Variants in KLHL29 observed in about 807,000 individuals in gnomAD.
The protein encoded by KLHL29 is kelch-like protein 29.
In KLHL29, 21 loss-of-function variants were observed where a neutral mutation model predicts 80.4. The observed-to-expected ratio is 0.26, with a 90% CI of 0.19 to 0.38. The LOEUF is 0.38. Among genes scored for constraint, KLHL29 ranks in the 10% least tolerant of loss-of-function variants. KLHL29 has a pLI of 1.00. For missense variants in KLHL29, 867 were observed against 1,223.9 expected, an observed-to-expected ratio of 0.71 and a Z score of 4.35; for synonymous variants, 511 against 526.8, an observed-to-expected ratio of 0.97 and a Z score of 0.41.
Position 23,443,876 on chromosome 2 carries a change from A to G in KLHL29, c.-153-31684A>G, listed in dbSNP as rs1663601780. ...CTGTTCGGGTGGTACTTTGGCAAGG[A>G]GCAGATATGCTGTTTCCCAAGAACT... On this transcript the variant is annotated intron_variant, in intron 1 of 13. Coordinates refer to ENST00000486442, the MANE Select transcript of KLHL29 (RefSeq NM_052920.2). Among the ~76,000 whole-genome samples the G allele has an allele frequency of 4.6e-5, 7 of 152,322 alleles. 1 individual carries two copies. In the South Asian group the frequency reaches 1.4e-3, roughly 32 times the overall value.
At chr2:23,490,915 C>T (rs1333993760) in intron 2 of KLHL29, among the ~76,000 whole-genome samples, 1 of 152,056 alleles carries the variant, frequency 6.6e-6, no homozygotes, top group African/African-American at 2.4e-5. Context: ...AACCCTAGCC[C>T]TCTTTCCTTC....
chr2:23,670,772 C>G (rs947461624), intron 5 of KLHL29, among the ~76,000 whole-genome samples: 3 of 151,934 alleles, frequency 2.0e-5, no homozygotes, highest in Non-Finnish European at 2.9e-5. Context: ...ACATGTTGCC[C>G]TAAACTGACC....
intron 5 of KLHL29, 110 bp downstream of exon 5, chr2:23,642,960 C>T: frequency 7.9e-7 from 1 of 1,271,140 alleles, no homozygotes; most frequent in Non-Finnish European, 1.1e-6. Flanking sequence ...CCTTCACTGG[C>T]CTCCCCAACC....
At chr2:23,454,824 C>A (rs1315634740) in intron 1 of KLHL29, among the ~76,000 whole-genome samples, 3 of 151,698 alleles carry the variant, frequency 2.0e-5, no homozygotes, top group East Asian at 3.9e-4. Flanking sequence ...AACAAATATT[C>A]CTCGGTGCCT....
chr2:23,412,407 G>A (rs1252802064), intron 1 of KLHL29, among the ~76,000 whole-genome samples: 1 of 152,212 alleles, frequency 6.6e-6, no homozygotes, highest in East Asian at 1.9e-4. Flanking sequence ...AGTGGGCACT[G>A]GGGGACAGAG....
At position 23,520,910 on chromosome 2, in the gene KLHL29, G is replaced by A. The variant is rs115494663; in HGVS notation, c.-45-41242G>A. ...AGAAATGTTACATTATCATAAACCC[G>A]AGTTCAGGATGCATAGTTTCCACAA... On this transcript the variant is annotated intron_variant, in intron 2 of 13. Coordinates refer to ENST00000486442, the MANE Select transcript of KLHL29 (RefSeq NM_052920.2). Among the ~76,000 whole-genome samples the A allele has an allele frequency of 3.9e-3, 596 of 151,890 alleles. 7 individuals are homozygous for A. Among genetic ancestry groups the A allele is most frequent in the African/African-American group, 0.014 (576 of 41,344 alleles).
At chr2:23,688,355 G>A (rs1206742458) in intron 6 of KLHL29, among the ~76,000 whole-genome samples, 1 of 152,156 alleles carries the variant, frequency 6.6e-6, no homozygotes, top group Non-Finnish European at 1.5e-5. Flanking sequence ...ACCCACCACT[G>A]CCCATGGATT....
chr2:23,469,131 G>A (rs1324251837), intron 1 of KLHL29, among the ~76,000 whole-genome samples: 2 of 152,232 alleles, frequency 1.3e-5, no homozygotes, highest in Admixed American at 1.3e-4. Flanking sequence ...GAGTGTCAGG[G>A]AGAGTCGAGG....
At chr2:23,703,120 T>G in intron 11 of KLHL29, 66 bp from the exon 12 acceptor site, 1 of 1,222,736 alleles carries the variant, frequency 8.2e-7, no homozygotes, top group Non-Finnish European at 1.1e-6. Flanking sequence ...TTGCTGCCCT[T>G]GCTTGTGACC....
intron 1 of KLHL29, among the ~76,000 whole-genome samples, chr2:23,438,957 G>A (rs1663428472): frequency 1.4e-5 from 2 of 146,400 alleles, no homozygotes; most frequent in East Asian, 2.0e-4. Flanking sequence ...TTTTTGGTAG[G>A]TAAGCTATTG....
At chr2:23,409,831 G>T (rs1666820417) in intron 1 of KLHL29, among the ~76,000 whole-genome samples, 1 of 152,234 alleles carries the variant, frequency 6.6e-6, no homozygotes, top group East Asian at 1.9e-4. Flanking sequence ...GATGGTCAGT[G>T]CCATTACAGG....
At chr2:23,627,160 C>T (rs1027368817) in intron 3 of KLHL29, among the ~76,000 whole-genome samples, 1 of 152,206 alleles carries the variant, frequency 6.6e-6, no homozygotes, top group African/African-American at 2.4e-5. Context: ...GTGCCTCCTG[C>T]CGTGGGCCTC....
intron 1 of KLHL29, among the ~76,000 whole-genome samples, chr2:23,391,654 C>T (rs929849228): frequency 1.3e-5 from 2 of 152,098 alleles, no homozygotes; most frequent in African/African-American, 2.4e-5. Flanking sequence ...AGGCTGGTCT[C>T]GAACTCCCAA....
At chr2:23,528,493 T>A (rs781138102) in intron 2 of KLHL29, among the ~76,000 whole-genome samples, 1 of 152,116 alleles carries the variant, frequency 6.6e-6, no homozygotes, top group African/African-American at 2.4e-5. Flanking sequence ...GCAGCCCTTA[T>A]AAGGTGGGCT....
At chr2:23,447,751 C>T (rs1663742707) in intron 1 of KLHL29, among the ~76,000 whole-genome samples, 1 of 152,190 alleles carries the variant, frequency 6.6e-6, no homozygotes, top group East Asian at 1.9e-4. Flanking sequence ...GACAGCAAAA[C>T]CCAGCCTAAA....
chr2:23,658,935 C>T (rs1374856554), intron 5 of KLHL29, among the ~76,000 whole-genome samples: 1 of 152,186 alleles, frequency 6.6e-6, no homozygotes, highest in African/African-American at 2.4e-5. Flanking sequence ...CCAGCCTCAG[C>T]GTGGAAGAGT....
chr2:23,638,995 G>C (rs187174807), intron 3 of KLHL29, 144 bp from the exon 4 acceptor site: 6 of 706,040 alleles, frequency 8.5e-6, no homozygotes, highest in Non-Finnish European at 1.3e-5. Context: ...GGAGGGCTGA[G>C]GCTCTGCCTC....
chr2:23,643,017 G>A (rs935720106), intron 5 of KLHL29, 167 bp downstream of exon 5: 3 of 826,802 alleles, frequency 3.6e-6, no homozygotes, highest in Non-Finnish European at 6.1e-6. Context: ...ACTGGCCTGA[G>A]ATGGGGGAGG....
intron 1 of KLHL29, among the ~76,000 whole-genome samples, chr2:23,397,144 G>A (rs532168295): frequency 2.0e-5 from 3 of 152,294 alleles, no homozygotes; most frequent in South Asian, 2.1e-4. Context: ...GCAGGCAGCC[G>A]TGGAGAACCT....
Sources: allele counts gnomAD v4.1 joint callset (sites outside exome capture counted in the v4.1 genomes callset), GRCh38; gene constraint gnomAD v4.1.1; transcripts MANE v1.5; gene names NCBI Gene and HGNC (gene_info 2026-07-23, HGNC 2026-07-21).